Variants in FSHR observed in about 807,000 individuals in gnomAD.
FSHR encodes the protein follicle-stimulating hormone receptor.
FSHR carries 46 observed loss-of-function variants against 52.1 expected under a neutral mutation model. That is an observed-to-expected ratio of 0.88 (90% CI 0.70 to 1.13). The LOEUF is 1.13. Among genes scored for constraint, FSHR ranks in the 50% most tolerant of loss-of-function variants. The pLI is 0.00. For missense variants in FSHR, 964 were observed against 834.6 expected, an observed-to-expected ratio of 1.16 and a Z score of -1.91; for synonymous variants, 399 against 309.6, an observed-to-expected ratio of 1.29 and a Z score of -3.03.
intron 2 of FSHR, among the ~76,000 whole-genome samples, chr2:49,061,445 T>G (rs1669284304): frequency 1.3e-5 from 2 of 150,330 alleles, no homozygotes; most frequent in Non-Finnish European, 3.0e-5. Flanking sequence ...GGTCAAAAAC[T>G]GTAAAAAGAG....
intron 1 of FSHR, among the ~76,000 whole-genome samples, chr2:49,127,543 CA>C (rs1433116670): frequency 2.6e-5 from 4 of 151,810 alleles, no homozygotes; most frequent in African/African-American, 4.8e-5. Flanking sequence ...CACACACACA[CA>C]CACCCCATGT....
intron 1 of FSHR, among the ~76,000 whole-genome samples, chr2:49,127,751 TTTCTTCTTC>T (rs1345639633): frequency 0.016 from 1,274 of 77,320 alleles, 23 homozygotes; most frequent in South Asian, 0.02. Flanking sequence ...CTTCTTCTTC[TTTCTTCTTC>T]TTCTTCTTCT....
chr2:49,055,004 G>A (rs1669005552), intron 2 of FSHR, among the ~76,000 whole-genome samples: 1 of 151,996 alleles, frequency 6.6e-6, no homozygotes, highest in Non-Finnish European at 1.5e-5. Context: ...ACACCTTAAA[G>A]GAACACAGTG....
chr2:49,028,874 A>T (rs575780924), intron 2 of FSHR, among the ~76,000 whole-genome samples: 5 of 152,292 alleles, frequency 3.3e-5, no homozygotes, highest in Non-Finnish European at 5.9e-5. Context: ...CCACTCGATG[A>T]GAAAGAAAGA....
At chr2:49,087,122 C>G (rs868513073) in intron 1 of FSHR, among the ~76,000 whole-genome samples, 16 of 122,206 alleles carry the variant, frequency 1.3e-4, no homozygotes, top group South Asian at 5.5e-4. Context: ...TATCCCATAT[C>G]TCTCTCCTTT....
intron 9 of FSHR, among the ~76,000 whole-genome samples, chr2:48,966,467 T>C (rs1049746903): frequency 2.0e-5 from 3 of 152,180 alleles, no homozygotes; most frequent in Admixed American, 6.5e-5. Context: ...ATGAAGACTG[T>C]AGTTGATACG....
chr2:49,012,218 G>T (rs1343037908), intron 4 of FSHR, among the ~76,000 whole-genome samples: 1 of 152,080 alleles, frequency 6.6e-6, no homozygotes, highest in East Asian at 1.9e-4. Flanking sequence ...GGATGCAAAG[G>T]CAAGAAAATA....
At chr2:49,050,641 C>G (rs975490502) in intron 2 of FSHR, among the ~76,000 whole-genome samples, 10 of 152,088 alleles carry the variant, frequency 6.6e-5, no homozygotes, top group Admixed American at 4.6e-4. Context: ...TGCTTGGTTT[C>G]TTACCTTTTG....
At chr2:49,114,427 G>A (rs1343139007) in intron 1 of FSHR, among the ~76,000 whole-genome samples, 3 of 152,082 alleles carry the variant, frequency 2.0e-5, no homozygotes, top group African/African-American at 7.2e-5. Context: ...ATAAACCACA[G>A]TCTTGGCCAT....
At chr2:49,138,119 C>G (rs148134627) in intron 1 of FSHR, among the ~76,000 whole-genome samples, 58 of 152,162 alleles carry the variant, frequency 3.8e-4, no homozygotes, top group Non-Finnish European at 6.2e-4. Context: ...ATGAAAGATG[C>G]TTGGCATCAT....
At chr2:49,065,872 G>T (rs1669485271) in intron 2 of FSHR, among the ~76,000 whole-genome samples, 1 of 152,120 alleles carries the variant, frequency 6.6e-6, no homozygotes, top group Admixed American at 6.6e-5. Context: ...TAATAGGGAG[G>T]CAGGAGAGTG....
In FSHR at chr2:49,121,687, A is replaced by C. The variant is rs566436068; in HGVS notation, c.152+32579T>G. 7.9e-5 allele frequency among the ~76,000 whole-genome samples: 12 copies of C among 152,338 alleles called. No individual in the cohort carries two copies. The South Asian group carries it at 1.4e-3, about 18-fold the overall frequency. ...TGGTGCTTATATAGACAGCAGCTCAAGGAAGAGCTGTGTGCATAGCAACCT... is the reference window on the plus strand; with the variant it reads ...TGGTGCTTATATAGACAGCAGCTCACGGAAGAGCTGTGTGCATAGCAACCT... On this transcript the variant is annotated intron_variant, in intron 1 of 9. Transcript: ENST00000406846.
At chr2:49,030,038 C>A (rs188727755) in intron 2 of FSHR, among the ~76,000 whole-genome samples, 1 of 152,136 alleles carries the variant, frequency 6.6e-6, no homozygotes, top group Non-Finnish European at 1.5e-5. Flanking sequence ...AGTGGCTCTG[C>A]GGCAGACCTA....
chr2:49,086,496 C>T (rs1033678676), intron 1 of FSHR, among the ~76,000 whole-genome samples: 6 of 152,202 alleles, frequency 3.9e-5, no homozygotes, highest in African/African-American at 1.4e-4. Flanking sequence ...TGAAAAGCTG[C>T]AGTCCGAGTG....
chr2:49,091,373 G>A lies in FSHR; in HGVS notation c.153-23083C>T, dbSNP rs531005001. ...GGCTGGAGTGCAGTAGCATCATCAC[G>A]GCTCTCTGCAGTCTTGACCTCCCAA... On this transcript the variant is annotated intron_variant, in intron 1 of 9. Coordinates refer to ENST00000406846, the MANE Select transcript of FSHR (RefSeq NM_000145.4). Among the ~76,000 whole-genome samples, 10 of 152,082 alleles carry A rather than the reference G, an allele frequency of 6.6e-5. No homozygotes were observed. The South Asian group carries it at 2.1e-3, about 32-fold the overall frequency.
intron 3 of FSHR, among the ~76,000 whole-genome samples, chr2:49,018,464 TA>T (rs1206685840): frequency 6.6e-6 from 1 of 152,208 alleles, no homozygotes; most frequent in Non-Finnish European, 1.5e-5. Flanking sequence ...TTAATCATTT[TA>T]AGTACAGTCA....
chr2:49,049,518 G>A (rs1019393249), intron 2 of FSHR, among the ~76,000 whole-genome samples: 10 of 152,020 alleles, frequency 6.6e-5, no homozygotes, highest in Non-Finnish European at 1.5e-4. Context: ...AAGAGGGTGG[G>A]GGATATTAGA....
chr2:49,116,728 T>C (rs1432785827), intron 1 of FSHR, among the ~76,000 whole-genome samples: 2 of 152,194 alleles, frequency 1.3e-5, no homozygotes, highest in Non-Finnish European at 1.5e-5. Flanking sequence ...ATTTTATTTT[T>C]AATTGACAAA....
chr2:49,118,512 GGGT>G (rs1193776958), intron 1 of FSHR, among the ~76,000 whole-genome samples: 1 of 152,142 alleles, frequency 6.6e-6, no homozygotes, highest in Non-Finnish European at 1.5e-5. Context: ...GAATAATACA[GGGT>G]GGTCATGGGA....
Sources: gnomAD v4.1 joint callset for allele counts (sites outside exome capture counted in the v4.1 genomes callset) on GRCh38, gnomAD v4.1.1 for gene constraint, MANE v1.5 for transcripts, NCBI Gene and HGNC (gene_info 2026-07-23, HGNC 2026-07-21) for gene names.